MTMR14: variants seen among roughly 807,000 people sequenced by gnomAD.
MTMR14 encodes the protein myotubularin related protein 14.
MTMR14 carries 48 observed loss-of-function variants against 86.3 expected under a neutral mutation model. That is an observed-to-expected ratio of 0.56 (90% CI 0.44 to 0.71). MTMR14 has a LOEUF of 0.71. MTMR14 is among the 30% of genes least tolerant of loss of function. The pLI is 0.00. For missense variants in MTMR14, 780 were observed against 834.6 expected, an observed-to-expected ratio of 0.93 and a Z score of 0.81; for synonymous variants, 366 against 326.1, an observed-to-expected ratio of 1.12 and a Z score of -1.32.
chr3:9,682,932 A>ACCCCCCCCC (rs542468520), intron 9 of MTMR14, among the ~76,000 whole-genome samples: 1 of 143,494 alleles, frequency 7.0e-6, no homozygotes, highest in African/African-American at 2.8e-5. Context: ...ATTGGGTCAG[A>ACCCCCCCCC]GCCCCCCCCC....
rs886545211 is a variant in MTMR14 at position 9,677,448 on chromosome 3, GAACAACAAGCAGTCTTTGGGGAA to G, written c.822+87_822+109del. On this transcript the variant is annotated intron_variant, in intron 8 of 18. Coordinates refer to ENST00000296003, the MANE Select transcript of MTMR14 (RefSeq NM_001077525.3). The surrounding 1 kb of genome is among the most constrained non-coding windows in gnomAD (Gnocchi z 4.2). ...TCTCTTTGTAAAGGGAGGCCAAGGA[GAACAACAAGCAGTCTTTGGGGAA>G]AACAACAAGCAGTCTTTGGGGAAAA... 128 of 1,441,796 alleles carry G rather than the reference GAACAACAAGCAGTCTTTGGGGAA, an allele frequency of 8.9e-5. 2 individuals are homozygous for G. In the South Asian group the frequency reaches 9.3e-4, roughly 10 times the overall value. 89.3% of individuals were successfully genotyped at this position (1,441,796 alleles called of 1,614,324 possible).
At chr3:9,675,611 CT>C (rs753165255) in intron 7 of MTMR14, 1 of 457,422 alleles carries the variant, frequency 2.2e-6, no homozygotes, top group South Asian at 1.5e-5. Context: ...GTGAATGGCA[CT>C]TCTCATCCTG....
chr3:9,686,976 C>T (rs1392712288), intron 13 of MTMR14, among the ~76,000 whole-genome samples: 1 of 152,244 alleles, frequency 6.6e-6, no homozygotes, highest in Non-Finnish European at 1.5e-5. Context: ...CTGACCCTCA[C>T]AGCTCCTCAG....
rs546943039 is a variant in MTMR14, at chr3:9,697,986, T to A, written c.1769+120T>A. 5 of 1,388,038 alleles carry A rather than the reference T, an allele frequency of 3.6e-6. No individual in the cohort carries two copies. In the Admixed American group the frequency reaches 8.4e-5, roughly 23 times the overall value. 86.0% of individuals were successfully genotyped at this position (1,388,038 alleles called of 1,614,324 possible). On this transcript the variant is annotated intron_variant, in intron 18 of 18. Coordinates refer to ENST00000296003, the MANE Select transcript of MTMR14 (RefSeq NM_001077525.3). ...CAGGAGCTGGCCTGGCCTCCTGCCC[T>A]CCCCTCTCTCAGCTGCTGGACCCGA...
chr3:9,668,894 C>T (rs2048409221), intron 4 of MTMR14, 100 bp downstream of exon 4: 13 of 1,228,264 alleles, frequency 1.1e-5, no homozygotes, highest in Non-Finnish European at 1.6e-5. Context: ...AATCTCAACA[C>T]TTTGGGAGGC....
chr3:9,653,230 G>A lies in MTMR14; in HGVS notation c.160-391G>A, dbSNP rs1397221946. 4.6e-5 allele frequency among the ~76,000 whole-genome samples: 7 copies of A among 152,206 alleles called. No individual in the cohort carries two copies. The South Asian group carries it at 6.2e-4, about 13-fold the overall frequency. On this transcript the variant is annotated intron_variant, in intron 1 of 18. Coordinates refer to ENST00000296003, the MANE Select transcript of MTMR14 (RefSeq NM_001077525.3). ...AGCCTGGGCGACAGAGCGAGACTCC[G>A]TCTCAAAAAATAAATAAGAGAATGG...
At chr3:9,663,124 A>G (rs1259391596) in intron 3 of MTMR14, among the ~76,000 whole-genome samples, 8 of 152,150 alleles carry the variant, frequency 5.3e-5, no homozygotes, top group Non-Finnish European at 1.2e-4. Context: ...GAAATTCCGA[A>G]TGCAAGTAGC....
Position 9,649,607 on chromosome 3 carries a change from C to CGCCGCT in MTMR14, c.28_33dup (p.Ala10_Ala11dup). 1.3e-6 allele frequency: 2 copies of CGCCGCT among 1,548,132 alleles called. No individual in the cohort carries two copies. Among genetic ancestry groups the CGCCGCT allele is most frequent in the Non-Finnish European group, 1.7e-6 (2 of 1,146,650 alleles). On this transcript the variant is annotated inframe_insertion, in exon 1 of 19. Coordinates refer to ENST00000296003, the MANE Select transcript of MTMR14 (RefSeq NM_001077525.3). The stretch of plus-strand genomic sequence containing the variant: ...CCATGGCCGGCGCTCGGGCCGCCGC[C>CGCCGCT]GCCGCTGCCTCGGCGGGGTCCTCGG...
chr3:9,683,295 C>T, intron 10 of MTMR14, 51 bp downstream of exon 10: 1 of 1,531,842 alleles, frequency 6.5e-7, no homozygotes, highest in Non-Finnish European at 9.0e-7. Flanking sequence ...TTGGGGAGTT[C>T]CCAGTTCATT....
Position 9,677,981 on chromosome 3 carries a change from C to T in MTMR14, c.823-3C>T, listed in dbSNP as rs778178294. 2.5e-6 allele frequency: 4 copies of T among 1,613,958 alleles called. No homozygotes were observed. The highest frequency in any genetic ancestry group is 2.2e-5 in the East Asian group (1 of 44,864). ...CATCTCACAGGAGTCTTTCTGTCCC[C>T]AGGACTACGTTGATGCCCCATTGAG... On this transcript the variant is annotated splice_polypyrimidine_tract_variant and splice_region_variant and intron_variant, in intron 8 of 18. Coordinates refer to ENST00000296003, the MANE Select transcript of MTMR14 (RefSeq NM_001077525.3). The surrounding 1 kb of genome is among the most constrained non-coding windows in gnomAD (Gnocchi z 4.2).
At chr3:9,656,148 T>G (rs2047590922) in intron 2 of MTMR14, among the ~76,000 whole-genome samples, 1 of 151,754 alleles carries the variant, frequency 6.6e-6, no homozygotes, top group Non-Finnish European at 1.5e-5. Flanking sequence ...TGAGCCAAGA[T>G]CGAACCACTG....
intron 2 of MTMR14, among the ~76,000 whole-genome samples, chr3:9,661,725 C>T (rs2047944822): frequency 6.6e-6 from 1 of 150,886 alleles, no homozygotes; most frequent in Admixed American, 6.6e-5. Flanking sequence ...GTTTAGCTCA[C>T]TTTTTTTTTA....
intron 18 of MTMR14, among the ~76,000 whole-genome samples, chr3:9,698,306 G>A (rs183400517): frequency 3.3e-5 from 5 of 152,350 alleles, no homozygotes; most frequent in Admixed American, 6.5e-5. Flanking sequence ...GTCTCTACCC[G>A]CCTTGTCTTC....
At chr3:9,658,640 T>C (rs866312330) in intron 2 of MTMR14, among the ~76,000 whole-genome samples, 70 of 152,390 alleles carry the variant, frequency 4.6e-4, no homozygotes, top group African/African-American at 1.3e-3. Flanking sequence ...TTACCTGTTC[T>C]GTGACTTTGG....
At chr3:9,662,951 T>A (rs572963267) in intron 3 of MTMR14, among the ~76,000 whole-genome samples, 1 of 152,314 alleles carries the variant, frequency 6.6e-6, no homozygotes, top group East Asian at 1.9e-4. Flanking sequence ...ATGTGCCCAT[T>A]TCATTGCAGA....
At position 9,683,163 on chromosome 3, in the gene MTMR14, A is replaced by G. The variant is rs1053093655; in HGVS notation, c.898-15A>G. The G allele has an allele frequency of 3.1e-6, 5 of 1,612,530 alleles. No homozygotes were observed. The highest frequency in any genetic ancestry group is 1.3e-5 in the African/African-American group (1 of 74,864). ...TCTGAGTTAATGTCCATTTCTTCTC[A>G]CTTTTCTCCAACAGTGTTGGGATCT... On this transcript the variant is annotated splice_polypyrimidine_tract_variant and intron_variant, in intron 9 of 18. Transcript: ENST00000296003.
At chr3:9,667,264 G>A (rs923924470) in intron 3 of MTMR14, among the ~76,000 whole-genome samples, 5 of 152,150 alleles carry the variant, frequency 3.3e-5, no homozygotes, top group South Asian at 4.1e-4. Flanking sequence ...CCCTGCCAAC[G>A]TCTTGGAGTC....
intron 4 of MTMR14, 44 bp from the exon 5 acceptor site, chr3:9,669,388 C>G (rs201697401): frequency 6.2e-7 from 1 of 1,608,802 alleles, no homozygotes; most frequent in Admixed American, 1.7e-5. Context: ...GTGTGGAGCC[C>G]TGGGTCACCA....
chr3:9,683,004 C>T (rs907617833), intron 9 of MTMR14, among the ~76,000 whole-genome samples, 174 bp from the exon 10 acceptor site: 52 of 149,814 alleles, frequency 3.5e-4, no homozygotes, highest in African/African-American at 1.3e-3. Context: ...GTGGTAGGAG[C>T]TGCTGGAGAT....
Sources: allele counts gnomAD v4.1 joint callset (sites outside exome capture counted in the v4.1 genomes callset), GRCh38; gene constraint gnomAD v4.1.1; non-coding constraint Gnocchi (gnomAD v3.1); transcripts MANE v1.5; gene names NCBI Gene and HGNC (gene_info 2026-07-23, HGNC 2026-07-21).